Variants in SYNDIG1L observed in about 807,000 individuals in gnomAD.
SYNDIG1L encodes synapse differentiation-inducing gene protein 1-like.
Under a neutral mutation model 20.1 loss-of-function variants are expected in SYNDIG1L, and 13 were observed. That is an observed-to-expected ratio of 0.65 (90% CI 0.42 to 1.03). The LOEUF (loss-of-function observed/expected upper bound fraction) is 1.03, where lower values mean the gene tolerates loss of function less well. SYNDIG1L is among the 50% of genes least tolerant of loss of function. The pLI is 0.00. For synonymous variants in SYNDIG1L, 128 were observed against 129.3 expected (o/e 0.99, Z 0.07); for missense variants, 294 against 305.1 (o/e 0.96, Z 0.27).
In SYNDIG1L at chr14:74,407,841, G is replaced by A. The variant is rs370482862; in HGVS notation, c.558+8C>T. 40 of 1,608,766 alleles carry A rather than the reference G, an allele frequency of 2.5e-5. No individual in the cohort carries two copies. Among genetic ancestry groups the A allele is most frequent in the African/African-American group, 1.1e-4 (8 of 74,732 alleles). On this transcript the variant is annotated splice_region_variant and intron_variant, in intron 3 of 3. Coordinates refer to ENST00000331628, the MANE Select transcript of SYNDIG1L (RefSeq NM_001105579.2). ...CAGAGAAGGGACCTGGGCCCCAGGT[G>A]CTCTTACCCCCTGGGAGAAGTAGAA...
At chr14:74,477,038 CAACA>C in the SYNDIG1L span, among the ~76,000 whole-genome samples, 1 of 108,872 alleles carries the variant, frequency 9.2e-6, no homozygotes, top group East Asian at 2.6e-4. Context: ...GCCCCATTCC[CAACA>C]CACACACACA....
At chr14:74,479,097 T>C in the SYNDIG1L span, 1 of 152,152 alleles carries the variant, frequency 6.6e-6, no homozygotes, top group Non-Finnish European at 1.5e-5. Flanking sequence ...GGACTGTCAC[T>C]CTAGACTCAA....
the SYNDIG1L span, chr14:74,476,296 G>C: frequency 1.6e-6 from 1 of 624,068 alleles, no homozygotes; most frequent in Admixed American, 2.5e-5. Context: ...GCTCTGCCAT[G>C]TTCAAGGCCA....
chr14:74,456,196 G>C, the SYNDIG1L span, among the ~76,000 whole-genome samples: 2 of 152,194 alleles, frequency 1.3e-5, no homozygotes, highest in Admixed American at 6.5e-5. Context: ...CTGGGTGTTG[G>C]TTTTCTCACA....
intron 2 of SYNDIG1L, 77 bp downstream of exon 2, chr14:74,409,250 CA>C: frequency 2.7e-6 from 3 of 1,112,222 alleles, no homozygotes; most frequent in Non-Finnish European, 3.8e-6. Context: ...GGCTAATTTT[CA>C]ATTTTTTTTT....
chr14:74,424,432 A>T (rs1244675250), intron 1 of SYNDIG1L, among the ~76,000 whole-genome samples: 2 of 151,336 alleles, frequency 1.3e-5, no homozygotes, highest in Admixed American at 6.6e-5. Context: ...GCTGTTGGGG[A>T]GGGGGTCATG....
At chr14:74,432,804 A>C in the SYNDIG1L span, among the ~76,000 whole-genome samples, 1 of 151,898 alleles carries the variant, frequency 6.6e-6, no homozygotes, top group South Asian at 2.1e-4. Flanking sequence ...CAGTGAGTCG[A>C]GATTGCACCA....
chr14:74,417,060 C>T (rs1371259806), intron 1 of SYNDIG1L, among the ~76,000 whole-genome samples: 1 of 152,152 alleles, frequency 6.6e-6, no homozygotes, highest in Non-Finnish European at 1.5e-5. Context: ...GAACGCCATG[C>T]CAAGTGCTTC....
At chr14:74,435,082 CAAAAAAAAAA>C in the SYNDIG1L span, among the ~76,000 whole-genome samples, 1 of 54,984 alleles carries the variant, frequency 1.8e-5, no homozygotes, top group Non-Finnish European at 3.2e-5. Context: ...GACTCCGTCT[CAAAAAAAAAA>C]AAAAAAAAAA....
chr14:74,406,086 A>T lies in SYNDIG1L; in HGVS notation c.*1449T>A, dbSNP rs572759725. The T allele has an allele frequency of 5.0e-6, 2 of 398,624 alleles. No individual in the cohort carries two copies. The highest frequency in any genetic ancestry group is 4.1e-5 in the African/African-American group (2 of 48,714). 24.7% of individuals were successfully genotyped at this position (398,624 alleles called of 1,614,324 possible). A position where few individuals can be genotyped will look rare whatever the true frequency, so the allele number is the denominator to read the frequency against. ...ATGGGAATGACCAGGTTCCCACATC[A>T]TGCACAGCAGGGGCCTGTAGCTTGA... On this transcript the variant is annotated 3_prime_UTR_variant, in exon 4 of 4. Transcript: ENST00000331628.
At chr14:74,424,064 T>C (rs2086246010) in intron 1 of SYNDIG1L, among the ~76,000 whole-genome samples, 1 of 152,110 alleles carries the variant, frequency 6.6e-6, no homozygotes, top group African/African-American at 2.4e-5. Context: ...TCACTTTCAC[T>C]CCATTCATAA....
the SYNDIG1L span, among the ~76,000 whole-genome samples, chr14:74,472,710 G>C: frequency 1.3e-5 from 2 of 152,172 alleles, no homozygotes; most frequent in African/African-American, 4.8e-5. Context: ...CTGGAGGAAG[G>C]GACATTGCAG....
At chr14:74,476,843 A>T in the SYNDIG1L span, among the ~76,000 whole-genome samples, 1 of 152,140 alleles carries the variant, frequency 6.6e-6, no homozygotes, top group Non-Finnish European at 1.5e-5. Flanking sequence ...TTTAGTTGCT[A>T]GTCAACTGAC....
chr14:74,451,154 A>G, the SYNDIG1L span, among the ~76,000 whole-genome samples: 1 of 152,220 alleles, frequency 6.6e-6, no homozygotes, highest in Non-Finnish European at 1.5e-5. Context: ...TAGATGGCTG[A>G]CACTACCTGA....
the SYNDIG1L span, among the ~76,000 whole-genome samples, chr14:74,446,528 T>C: frequency 1.3e-5 from 2 of 151,994 alleles, no homozygotes; most frequent in African/African-American, 4.8e-5. Context: ...CGTTGTTTAT[T>C]GCTATTACAA....
the SYNDIG1L span, among the ~76,000 whole-genome samples, chr14:74,456,498 C>T: frequency 6.6e-6 from 1 of 152,172 alleles, no homozygotes; most frequent in African/African-American, 2.4e-5. Flanking sequence ...CCATTCACCC[C>T]AGCCTGGGCA....
chr14:74,406,250 C>A lies in SYNDIG1L; in HGVS notation c.*1285G>T, dbSNP rs1444527714. On this transcript the variant is annotated 3_prime_UTR_variant, in exon 4 of 4. Transcript: ENST00000331628. ...ATCAGTGAAGATGCCCCAGGGGTAA[C>A]CAGGTACCCACCACTGACCCCCTAG... is the stretch of plus-strand genomic sequence containing the variant. 5.0e-6 allele frequency: 2 copies of A among 396,844 alleles called. No individual in the cohort carries two copies. The allele number at this position is 396,844 out of a possible 1,614,324, so 24.6% of individuals were successfully genotyped here.
chr14:74,442,009 T>A, the SYNDIG1L span, among the ~76,000 whole-genome samples: 1 of 152,182 alleles, frequency 6.6e-6, no homozygotes. Context: ...AGGTTCAGAT[T>A]TTGACTCAGC....
chr14:74,454,914 G>T, the SYNDIG1L span, among the ~76,000 whole-genome samples: 1 of 152,214 alleles, frequency 6.6e-6, no homozygotes, highest in African/African-American at 2.4e-5. Context: ...ACTAATTGAG[G>T]TATTGCCATG....
Sources: gnomAD v4.1 joint callset for allele counts (sites outside exome capture counted in the v4.1 genomes callset) on GRCh38, gnomAD v4.1.1 for gene constraint, MANE v1.5 for transcripts, NCBI Gene and HGNC (gene_info 2026-07-23, HGNC 2026-07-21) for gene names.